TMEM132C: variants seen among roughly 807,000 people sequenced by gnomAD.
TMEM132C encodes transmembrane protein 132C.
Under a neutral mutation model 61.4 loss-of-function variants are expected in TMEM132C, and 29 were observed. The observed-to-expected ratio is 0.47, with a 90% confidence interval of 0.35 to 0.64. The LOEUF is 0.64. TMEM132C is among the 30% of genes least tolerant of loss of function. The pLI is 0.00. For synonymous variants in TMEM132C, 656 were observed against 633.1 expected (o/e 1.04, Z -0.54); for missense variants, 1,408 against 1,476.9 (o/e 0.95, Z 0.76).
chr12:128,458,628 G>A (rs1012717173), intron 2 of TMEM132C, among the ~76,000 whole-genome samples: 1 of 152,112 alleles, frequency 6.6e-6, no homozygotes, highest in Non-Finnish European at 1.5e-5. Context: ...TCACATAAAA[G>A]CCGTGGTGCA....
chr12:128,475,115 C>T (rs1208198572), intron 2 of TMEM132C, among the ~76,000 whole-genome samples: 1 of 152,122 alleles, frequency 6.6e-6, no homozygotes, highest in Non-Finnish European at 1.5e-5. Context: ...AGGGCTTCAA[C>T]TCCAGGGACC....
intron 1 of TMEM132C, among the ~76,000 whole-genome samples, chr12:128,344,724 G>T (rs1387066399): frequency 6.6e-6 from 1 of 152,076 alleles, no homozygotes; most frequent in Non-Finnish European, 1.5e-5. Context: ...CACTAATGAT[G>T]CTGAGCATCT....
chr12:128,659,575 C>T (rs760161940), intron 4 of TMEM132C, among the ~76,000 whole-genome samples: 44 of 152,302 alleles, frequency 2.9e-4, no homozygotes, highest in Non-Finnish European at 4.7e-4. Context: ...GGAGCATTCG[C>T]CCAGTTATTC....
intron 1 of TMEM132C, among the ~76,000 whole-genome samples, chr12:128,358,732 G>A (rs1873600765): frequency 6.6e-6 from 1 of 152,032 alleles, no homozygotes; most frequent in Non-Finnish European, 1.5e-5. Flanking sequence ...GTGGGACGAT[G>A]TCTCATACCC....
At chr12:128,369,090 C>T (rs1873954726) in intron 1 of TMEM132C, among the ~76,000 whole-genome samples, 1 of 152,162 alleles carries the variant, frequency 6.6e-6, no homozygotes. Context: ...TCTAGTAAGG[C>T]ATTTACTTTT....
intron 1 of TMEM132C, among the ~76,000 whole-genome samples, chr12:128,350,524 A>G (rs1307987383): frequency 1.3e-5 from 2 of 152,110 alleles, no homozygotes; most frequent in African/African-American, 4.8e-5. Context: ...GATAGTGCAA[A>G]AGCCCAGAGT....
At chr12:128,399,738 C>A (rs1218738691) in intron 1 of TMEM132C, among the ~76,000 whole-genome samples, 2 of 152,028 alleles carry the variant, frequency 1.3e-5, no homozygotes, top group Non-Finnish European at 2.9e-5. Flanking sequence ...TCAAACACAG[C>A]CCACCACCAG....
intron 4 of TMEM132C, among the ~76,000 whole-genome samples, chr12:128,622,804 A>AGAGG (rs1205428112): frequency 1.3e-5 from 2 of 152,102 alleles, no homozygotes; most frequent in Non-Finnish European, 2.9e-5. Flanking sequence ...ATGGAAAAAT[A>AGAGG]ATGTTTTATT....
intron 1 of TMEM132C, among the ~76,000 whole-genome samples, chr12:128,340,299 C>T (rs905177798): frequency 3.3e-5 from 5 of 152,144 alleles, no homozygotes; most frequent in African/African-American, 1.2e-4. Context: ...AAAAAGTCTT[C>T]TGCCTAATTT....
At position 128,518,680 on chromosome 12, in the gene TMEM132C, G is replaced by A. The variant is rs138853932; in HGVS notation, c.975-25277G>A. 7.8e-4 allele frequency among the ~76,000 whole-genome samples: 119 copies of A among 152,106 alleles called. 1 individual carries two copies. Among genetic ancestry groups the A allele is most frequent in the African/African-American group, 2.3e-3 (96 of 41,494 alleles). ...TTGATCTTCAGCTTCAATCTAAACC[G>A]CCTACCCTATCCCCTTGAATTATCT... On this transcript the variant is annotated intron_variant, in intron 2 of 8. Transcript: ENST00000435159.
intron 3 of TMEM132C, among the ~76,000 whole-genome samples, chr12:128,550,929 G>T (rs547306856): frequency 6.6e-6 from 1 of 152,254 alleles, no homozygotes; most frequent in Non-Finnish European, 1.5e-5. Flanking sequence ...CGAAAGCTCA[G>T]CCCCATCTCC....
intron 1 of TMEM132C, among the ~76,000 whole-genome samples, chr12:128,271,305 T>TAATAAA (rs1316883483): frequency 7.5e-6 from 1 of 133,586 alleles, no homozygotes; most frequent in Non-Finnish European, 1.6e-5. Flanking sequence ...ATAATAATAA[T>TAATAAA]AAAATGAAAT....
chr12:128,461,694 C>T (rs1870538802), intron 2 of TMEM132C, among the ~76,000 whole-genome samples: 1 of 152,110 alleles, frequency 6.6e-6, no homozygotes, highest in African/African-American at 2.4e-5. Flanking sequence ...TAGGCCTGTG[C>T]CCACCCAGGG....
At chr12:128,659,293 T>C (rs1954360362) in intron 4 of TMEM132C, among the ~76,000 whole-genome samples, 2 of 152,192 alleles carry the variant, frequency 1.3e-5, no homozygotes, top group Admixed American at 6.5e-5. Context: ...CTGCAAAATC[T>C]AATGGGATGT....
intron 1 of TMEM132C, among the ~76,000 whole-genome samples, chr12:128,339,920 A>G (rs1872903188): frequency 6.6e-6 from 1 of 152,168 alleles, no homozygotes; most frequent in South Asian, 2.1e-4. Flanking sequence ...CCTGGCCACC[A>G]TTCCTGGCCA....
chr12:128,516,886 C>T (rs923080099), intron 2 of TMEM132C, among the ~76,000 whole-genome samples: 1 of 151,626 alleles, frequency 6.6e-6, no homozygotes, highest in Non-Finnish European at 1.5e-5. Flanking sequence ...TGTATTCCAC[C>T]CTGGGCAACA....
At chr12:128,422,685 A>G (rs1042661034) in intron 2 of TMEM132C, among the ~76,000 whole-genome samples, 6 of 152,220 alleles carry the variant, frequency 3.9e-5, no homozygotes, top group African/African-American at 1.4e-4. Context: ...TGGCTTCTCA[A>G]TCTCAATATC....
At chr12:128,559,929 C>A (rs2136162795) in intron 3 of TMEM132C, among the ~76,000 whole-genome samples, 1 of 152,280 alleles carries the variant, frequency 6.6e-6, no homozygotes, top group Non-Finnish European at 1.5e-5. Context: ...TCTTTCTTTT[C>A]AAAATGACCA....
chr12:128,482,441 G>A (rs1299485600), intron 2 of TMEM132C, among the ~76,000 whole-genome samples: 1 of 152,130 alleles, frequency 6.6e-6, no homozygotes, highest in African/African-American at 2.4e-5. Flanking sequence ...TTTTGTTGTT[G>A]TCGTTGTGTC....
Sources: allele counts gnomAD v4.1 joint callset (sites outside exome capture counted in the v4.1 genomes callset), GRCh38; gene constraint gnomAD v4.1.1; transcripts MANE v1.5; gene names NCBI Gene and HGNC (gene_info 2026-07-23, HGNC 2026-07-21).